Variants in ACSBG1 observed in about 807,000 individuals in gnomAD.
ACSBG1 encodes the protein long-chain-fatty-acid--CoA ligase ACSBG1.
ACSBG1 carries 39 observed loss-of-function variants against 80.2 expected under a neutral mutation model. That is an observed-to-expected ratio of 0.49 (90% CI 0.38 to 0.64). ACSBG1 has a LOEUF of 0.64. ACSBG1 is among the 30% of genes least tolerant of loss of function. The pLI is 0.00. For synonymous variants in ACSBG1, 392 were observed against 379.5 expected, an observed-to-expected ratio of 1.03 and a Z score of -0.38; for missense variants, 828 against 966.4, an observed-to-expected ratio of 0.86 and a Z score of 1.90.
Position 78,168,416 on chromosome 15 carries a change from G to C in ACSBG1, c.*3028C>G, listed in dbSNP as rs1007303705. The stretch of plus-strand genomic sequence containing the variant: ...AGGCAGGAGAATCGCTTGAACCCAG[G>C]AGGCAGAGGTTGTGGTGAGCTGGGA... On this transcript the variant is annotated 3_prime_UTR_variant, in exon 14 of 14. Coordinates refer to ENST00000258873, the MANE Select transcript of ACSBG1 (RefSeq NM_015162.5). 1 of 152,084 alleles carries C rather than the reference G, an allele frequency of 6.6e-6. No individual in the cohort carries two copies. The highest frequency in any genetic ancestry group is 6.6e-5 in the Admixed American group (1 of 15,252). The allele number at this position is 152,084 out of a possible 1,614,324, so 9.4% of individuals were successfully genotyped here.
At chr15:78,188,991 C>T (rs1337161845) in intron 5 of ACSBG1, among the ~76,000 whole-genome samples, 3 of 149,574 alleles carry the variant, frequency 2.0e-5, no homozygotes, top group Admixed American at 6.6e-5. Context: ...ACAAACAACC[C>T]CATCAAAAAG....
chr15:78,208,045 G>C lies in ACSBG1; in HGVS notation c.189C>G (p.Leu63=), dbSNP rs770029230. ...CATTATTCACCTTCTCTGGCACTGA[G>C]AGCTCGAGAGCATGGTTCAGGGACT... ...SKESLNHALE[L]SVPEKVNNAQ... Residue 63 remains leucine (L), a synonymous_variant, in exon 2 of 14, where the codon CTC becomes CTG. Transcript: ENST00000258873. 13 of 1,613,796 alleles carry C rather than the reference G, an allele frequency of 8.1e-6. No individual in the cohort carries two copies. Among genetic ancestry groups the C allele is most frequent in the Non-Finnish European group, 1.0e-5 (12 of 1,179,984 alleles).
chr15:78,218,170 G>A lies in ACSBG1; in HGVS notation c.132-10068C>T, dbSNP rs538059610. Among the ~76,000 whole-genome samples, 52 of 151,804 alleles carry A rather than the reference G, an allele frequency of 3.4e-4. 1 individual carries two copies. The South Asian group carries it at 1.0e-2, about 29-fold the overall frequency. ...GGGGAAAGGGTGGATGGGACGGCCT[G>A]TAAGTCCCAGCTCTCAAGATAGGTA... On this transcript the variant is annotated intron_variant, in intron 1 of 13. Transcript: ENST00000258873.
rs149090840 is a variant in ACSBG1 at position 78,180,854 on chromosome 15, C to T, written c.1154G>A (p.Arg385His). The T allele has an allele frequency of 1.7e-5, 28 of 1,614,086 alleles. No individual in the cohort carries two copies. The highest frequency in any genetic ancestry group is 2.7e-5 in the African/African-American group (2 of 74,938). Reference protein sequence around the residue: ...VPRVWEKIMERIQEVAAQSGF... With the variant: ...VPRVWEKIMEHIQEVAAQSGF... ...AGACTGAGCCGCCACCTCCTGGATG[C>T]GCTCCATGATCTTCTCCCATACCCG... Residue 385 changes from arginine to histidine, a missense_variant, in exon 9 of 14, where the codon CGC becomes CAC. Arg to His is a conservative substitution (Grantham distance 29). Around this residue, in one of 3 missense-constraint regions of ACSBG1, gnomAD observed 271 missense variants for 375.9 expected, o/e 0.72. Coordinates refer to ENST00000258873, the MANE Select transcript of ACSBG1 (RefSeq NM_015162.5).
chr15:78,215,851 G>A (rs545659479), intron 1 of ACSBG1, among the ~76,000 whole-genome samples: 30 of 152,290 alleles, frequency 2.0e-4, no homozygotes, highest in Non-Finnish European at 4.0e-4. Context: ...GCCAGCACAT[G>A]GCTCATTCCA....
At chr15:78,226,609 CAAA>C (rs768341572) in intron 1 of ACSBG1, 44 of 81,500 alleles carry the variant, frequency 5.4e-4, no homozygotes, top group South Asian at 3.3e-3. Flanking sequence ...TCCATCTCTA[CAAA>C]AAAAAAAAAA....
At chr15:78,214,958 C>A (rs1464707856) in intron 1 of ACSBG1, among the ~76,000 whole-genome samples, 3 of 152,116 alleles carry the variant, frequency 2.0e-5, no homozygotes, top group African/African-American at 7.2e-5. Context: ...TTCAGGACAC[C>A]CTAACAGTTT....
intron 2 of ACSBG1, among the ~76,000 whole-genome samples, chr15:78,201,677 G>A (rs913137192): frequency 1.3e-5 from 2 of 152,210 alleles, no homozygotes; most frequent in African/African-American, 4.8e-5. Context: ...CCACCCGTGG[G>A]CTCTGCTCAC....
chr15:78,198,379 C>T (rs2075134263), intron 2 of ACSBG1, among the ~76,000 whole-genome samples: 1 of 149,584 alleles, frequency 6.7e-6, no homozygotes, highest in Admixed American at 6.7e-5. Context: ...CAAAGTCTCA[C>T]TCTGTCGCCC....
chr15:78,196,763 C>T (rs1017098432), intron 2 of ACSBG1, among the ~76,000 whole-genome samples: 9 of 152,128 alleles, frequency 5.9e-5, no homozygotes, highest in Non-Finnish European at 1.2e-4. Flanking sequence ...GAGTAGAATG[C>T]TATTCAGCTC....
At position 78,179,537 on chromosome 15, in the gene ACSBG1, C is replaced by A. The variant is rs1190178219; in HGVS notation, c.1484+13G>T. On this transcript the variant is annotated intron_variant, in intron 10 of 13. Coordinates refer to ENST00000258873, the MANE Select transcript of ACSBG1 (RefSeq NM_015162.5). ...GCATGGGTGTGCATGTGTGTGGCAG[C>A]CTCGAGCCTCACCTGTACAGCCGGT... 1 of 1,604,898 alleles carries A rather than the reference C, an allele frequency of 6.2e-7. No homozygotes were observed. Among genetic ancestry groups the A allele is most frequent in the South Asian group, 1.1e-5 (1 of 90,892 alleles).
chr15:78,206,604 C>T (rs979986655), intron 2 of ACSBG1, among the ~76,000 whole-genome samples: 5 of 152,126 alleles, frequency 3.3e-5, no homozygotes, highest in South Asian at 4.1e-4. Context: ...GGCCCTGCCT[C>T]GCCATTAAAC....
In ACSBG1 at chr15:78,170,625, C is replaced by T. The variant is rs74024181; in HGVS notation, c.*819G>A. The T allele has an allele frequency of 0.069, 10,435 of 152,292 alleles. 449 individuals carry two copies. The highest frequency in any genetic ancestry group is 0.12 in the African/African-American group (5,176 of 41,490). 9.4% of individuals were successfully genotyped at this position (152,292 alleles called of 1,614,324 possible). ...CTTGCTACTGAGAATGGCTGCTTCC[C>T]GTATTCAGAATGGAAGTGGGGTGGT... On this transcript the variant is annotated 3_prime_UTR_variant, in exon 14 of 14. Transcript: ENST00000258873.
intron 13 of ACSBG1, 132 bp downstream of exon 13, chr15:78,173,461 G>A: frequency 8.0e-7 from 1 of 1,246,162 alleles, no homozygotes; most frequent in Non-Finnish European, 1.1e-6. Context: ...ACAGGAAGTA[G>A]ATGGGTGTCA....
chr15:78,194,099 G>T, intron 3 of ACSBG1, 79 bp from the exon 4 acceptor site: 1 of 1,376,130 alleles, frequency 7.3e-7, no homozygotes, highest in Non-Finnish European at 1.0e-6. Context: ...CCCCCACCCA[G>T]ACTGCAGGGG....
chr15:78,215,169 CTT>C (rs1403126553), intron 1 of ACSBG1, among the ~76,000 whole-genome samples: 1 of 152,196 alleles, frequency 6.6e-6, no homozygotes, highest in East Asian at 1.9e-4. Flanking sequence ...CAGACCTCTC[CTT>C]TGTCCTGAAG....
At chr15:78,191,908 C>A (rs1287264407) in intron 5 of ACSBG1, among the ~76,000 whole-genome samples, 1 of 152,134 alleles carries the variant, frequency 6.6e-6, no homozygotes, top group African/African-American at 2.4e-5. Flanking sequence ...AAGAGATATG[C>A]CAAAGCCCTC....
intron 1 of ACSBG1, among the ~76,000 whole-genome samples, chr15:78,231,117 C>G (rs1300622300): frequency 1.3e-5 from 2 of 152,024 alleles, no homozygotes; most frequent in African/African-American, 2.4e-5. Flanking sequence ...CCACATCTGG[C>G]TAATTTTTTT....
intron 1 of ACSBG1, among the ~76,000 whole-genome samples, chr15:78,211,524 C>T (rs2075267280): frequency 6.6e-6 from 1 of 152,242 alleles, no homozygotes; most frequent in Admixed American, 6.5e-5. Context: ...TCTCTGACCT[C>T]AGCTCACATA....
Sources: gnomAD v4.1 joint callset for allele counts (sites outside exome capture counted in the v4.1 genomes callset) on GRCh38, gnomAD v4.1.1 for gene constraint, gnomAD v4.1.1 regional missense constraint, MANE v1.5 for transcripts, NCBI Gene and HGNC (gene_info 2026-07-23, HGNC 2026-07-21) for gene names.